The following C1orf21 variants were observed in gnomAD, a reference collection of about 807,000 sequenced individuals.
C1orf21 encodes the protein chromosome 1 open reading frame 21, also known as uncharacterized protein C1orf21.
Under a neutral mutation model 18.7 loss-of-function variants are expected in C1orf21, and 3 were observed. The ratio of observed to expected loss-of-function variants is 0.16; its 90% CI spans 0.07 to 0.42. The LOEUF is 0.42. C1orf21 is among the 10% of genes least tolerant of loss of function. The pLI is 0.99. For synonymous variants in C1orf21, 41 were observed against 46.4 expected (o/e 0.88, Z 0.47); for missense variants, 104 against 143.6 (o/e 0.72, Z 1.41).
At position 184,537,849 on chromosome 1, in the gene C1orf21, A is replaced by G. The variant is rs1658584007; in HGVS notation, c.189+30167A>G. On this transcript the variant is annotated intron_variant, in intron 3 of 5. Transcript: ENST00000235307. ...TTATTAGTAGAGACGGGGTTTCTTC[A>G]TGTTGGTCAGGCTGGTCTCGAACTC... Among the ~76,000 whole-genome samples, 4 of 151,998 alleles carry G rather than the reference A, an allele frequency of 2.6e-5. No individual in the cohort carries two copies. In the South Asian group the frequency reaches 8.3e-4, roughly 32 times the overall value.
chr1:184,429,459 A>C (rs1363272223), intron 1 of C1orf21, among the ~76,000 whole-genome samples: 1 of 152,222 alleles, frequency 6.6e-6, no homozygotes, highest in African/African-American at 2.4e-5. Context: ...TGATTGTATG[A>C]TTCTAAATTA....
At chr1:184,518,626 C>G (rs1658263254) in intron 3 of C1orf21, among the ~76,000 whole-genome samples, 1 of 152,026 alleles carries the variant, frequency 6.6e-6, no homozygotes, top group Admixed American at 6.5e-5. Context: ...ATGTTTTTTT[C>G]TCTTCTACAT....
At chr1:184,495,286 C>G (rs1293992119) in intron 2 of C1orf21, among the ~76,000 whole-genome samples, 1 of 152,188 alleles carries the variant, frequency 6.6e-6, no homozygotes, top group Non-Finnish European at 1.5e-5. Flanking sequence ...AGTTTCTGAT[C>G]TCCAAGAGCT....
Position 184,410,666 on chromosome 1 carries a change from T to TTC in C1orf21, c.-125+23299_-125+23300insCT, listed in dbSNP as rs1656335930. The stretch of plus-strand genomic sequence containing the variant: ...ATATATATATATATATATATATATT[T>TTC]TTTTTTTTTTTTTTTGAGATGGAGT... On this transcript the variant is annotated intron_variant, in intron 1 of 5. Transcript: ENST00000235307. Among the ~76,000 whole-genome samples the TTC allele has an allele frequency of 5.6e-5, 2 of 35,462 alleles. 1 individual carries two copies. Among genetic ancestry groups the TTC allele is most frequent in the African/African-American group, 1.5e-3 (2 of 1,328 alleles). The allele number at this position is 35,462 out of a possible 152,430, so 23.3% of individuals were successfully genotyped here.
intron 1 of C1orf21, among the ~76,000 whole-genome samples, chr1:184,423,898 CATCA>C (rs1345932188): frequency 2.0e-5 from 3 of 151,492 alleles, no homozygotes; most frequent in African/African-American, 4.9e-5. Flanking sequence ...TCCATCCATC[CATCA>C]ATCTATCATT....
At chr1:184,468,879 T>C (rs1469030261) in intron 1 of C1orf21, among the ~76,000 whole-genome samples, 3 of 150,176 alleles carry the variant, frequency 2.0e-5, no homozygotes, top group Admixed American at 6.7e-5. Flanking sequence ...GATTGTGCCA[T>C]TGCACTCCAG....
chr1:184,423,005 T>C (rs1231123652), intron 1 of C1orf21, among the ~76,000 whole-genome samples: 1 of 152,200 alleles, frequency 6.6e-6, no homozygotes, highest in African/African-American at 2.4e-5. Flanking sequence ...CTACCATCCA[T>C]TGGCATTATG....
chr1:184,440,527 C>T (rs554198688), intron 1 of C1orf21, among the ~76,000 whole-genome samples: 40 of 151,514 alleles, frequency 2.6e-4, no homozygotes, highest in African/African-American at 9.7e-4. Flanking sequence ...GCTGGGATTA[C>T]AGGCGTGAGC....
chr1:184,607,788 G>A (rs1345174481), intron 5 of C1orf21, among the ~76,000 whole-genome samples: 1 of 151,250 alleles, frequency 6.6e-6, no homozygotes, highest in African/African-American at 2.4e-5. Context: ...CACAATTATA[G>A]ATTTCAAATA....
At chr1:184,485,878 T>C (rs1207332878) in intron 2 of C1orf21, among the ~76,000 whole-genome samples, 1 of 152,206 alleles carries the variant, frequency 6.6e-6, no homozygotes, top group Non-Finnish European at 1.5e-5. Flanking sequence ...TTTTCTGTTT[T>C]TAGTGAATCA....
At chr1:184,579,310 C>A (rs1426111653) in intron 3 of C1orf21, among the ~76,000 whole-genome samples, 2 of 150,424 alleles carry the variant, frequency 1.3e-5, no homozygotes, top group African/African-American at 2.4e-5. Flanking sequence ...CCTCAGCCTC[C>A]CGAAGTGCTG....
intron 3 of C1orf21, among the ~76,000 whole-genome samples, chr1:184,582,416 A>T (rs1233211870): frequency 6.6e-6 from 1 of 152,258 alleles, no homozygotes; most frequent in Non-Finnish European, 1.5e-5. Flanking sequence ...ACATGCTCAC[A>T]GTCTGTGTGC....
At chr1:184,607,774 G>A (rs1028848745) in intron 5 of C1orf21, among the ~76,000 whole-genome samples, 2 of 150,720 alleles carry the variant, frequency 1.3e-5, no homozygotes, top group Non-Finnish European at 3.0e-5. Flanking sequence ...TAGAGAGAAA[G>A]AGTCACAATT....
intron 2 of C1orf21, among the ~76,000 whole-genome samples, chr1:184,495,614 G>A (rs566493035): frequency 2.6e-5 from 4 of 152,154 alleles, no homozygotes; most frequent in African/African-American, 9.6e-5. Context: ...AAAAGACACT[G>A]TTTTTGTTTA....
At chr1:184,436,046 G>A (rs1331963396) in intron 1 of C1orf21, among the ~76,000 whole-genome samples, 1 of 152,118 alleles carries the variant, frequency 6.6e-6, no homozygotes, top group Non-Finnish European at 1.5e-5. Flanking sequence ...CAACAGGAGT[G>A]CCCAGAGAAG....
intron 1 of C1orf21, among the ~76,000 whole-genome samples, chr1:184,400,331 T>A (rs1369280455): frequency 1.3e-5 from 2 of 152,142 alleles, no homozygotes; most frequent in African/African-American, 4.8e-5. Flanking sequence ...TTTTTAGGCC[T>A]TTTCAGTGGA....
chr1:184,390,301 G>A (rs1655951657), intron 1 of C1orf21, among the ~76,000 whole-genome samples: 1 of 152,082 alleles, frequency 6.6e-6, no homozygotes, highest in Admixed American at 6.5e-5. Context: ...ATGGAATCCA[G>A]ACGCATCAAA....
intron 1 of C1orf21, among the ~76,000 whole-genome samples, chr1:184,463,691 G>A (rs1657342741): frequency 6.6e-6 from 1 of 152,204 alleles, no homozygotes; most frequent in Admixed American, 6.5e-5. Flanking sequence ...CAGTGAAGAT[G>A]TCCCAAGGCT....
Position 184,628,954 on chromosome 1 carries a change from CA to C in C1orf21, c.*9399del, listed in dbSNP as rs1660061605. The stretch of plus-strand genomic sequence containing the variant: ...GTCTAATTATATATACATATTTATA[CA>C]TGTGTATTTTTGTTTATTGTTACAT... On this transcript the variant is annotated 3_prime_UTR_variant, in exon 6 of 6. Coordinates refer to ENST00000235307, the MANE Select transcript of C1orf21 (RefSeq NM_030806.4). The C allele has an allele frequency of 6.6e-6, 1 of 152,380 alleles. No individual in the cohort carries two copies. 9.4% of individuals were successfully genotyped at this position (152,380 alleles called of 1,614,324 possible). A position where few individuals can be genotyped will look rare whatever the true frequency, so the allele number is the denominator to read the frequency against.
Sources: allele counts gnomAD v4.1 joint callset (sites outside exome capture counted in the v4.1 genomes callset), GRCh38; gene constraint gnomAD v4.1.1; transcripts MANE v1.5; gene names NCBI Gene and HGNC (gene_info 2026-07-23, HGNC 2026-07-21).